Variants in PYGO1 observed in about 807,000 individuals in gnomAD.
The protein encoded by PYGO1 is pygopus homolog 1.
Under a neutral mutation model 29.5 loss-of-function variants are expected in PYGO1, and 6 were observed. The ratio of observed to expected loss-of-function variants is 0.20; its 90% CI spans 0.11 to 0.40. PYGO1 has a LOEUF of 0.40. Ranked by LOEUF, PYGO1 falls within the 10% of genes least tolerant of loss-of-function variation. PYGO1 has a pLI of 1.00. For missense variants in PYGO1, 515 were observed against 514.9 expected (o/e 1.00, Z 0.00); for synonymous variants, 186 against 180.5 (o/e 1.03, Z -0.24).
rs563870172 is a variant in PYGO1 at position 55,581,969 on chromosome 15, GGCTGAGGTGGGCGGATC to G, written c.49+5849_49+5865del. Among the ~76,000 whole-genome samples, 1,413 of 150,816 alleles carry G rather than the reference GGCTGAGGTGGGCGGATC, an allele frequency of 9.4e-3. 7 individuals carry two copies. Among genetic ancestry groups the G allele is most frequent in the Middle Eastern group, 0.037 (11 of 294 alleles). On this transcript the variant is annotated intron_variant, in intron 1 of 2. Coordinates refer to ENST00000563719, the MANE Select transcript of PYGO1 (RefSeq NM_001367806.1). ...TGCCTACAATCCCAGCACTTTGGGA[GGCTGAGGTGGGCGGATC>G]ACCTGAGGTCAGGAGTTTGAGACCA...
At chr15:55,573,103 G>A (rs1014701831) in intron 1 of PYGO1, among the ~76,000 whole-genome samples, 12 of 151,884 alleles carry the variant, frequency 7.9e-5, no homozygotes, top group Non-Finnish European at 1.6e-4. Context: ...TCAGGAGTTC[G>A]AGACCAGCCT....
chr15:55,559,888 T>A (rs897509692), intron 1 of PYGO1, among the ~76,000 whole-genome samples: 3 of 152,138 alleles, frequency 2.0e-5, no homozygotes, highest in Admixed American at 6.6e-5. Flanking sequence ...ATTCAACAGA[T>A]GAAAATCAAT....
intron 1 of PYGO1, among the ~76,000 whole-genome samples, chr15:55,571,519 GT>G (rs1348594980): frequency 6.6e-6 from 1 of 152,096 alleles, no homozygotes; most frequent in South Asian, 2.1e-4. Flanking sequence ...TCCTATGCTG[GT>G]TTTATGATAG....
chr15:55,571,234 T>C (rs1304619230), intron 1 of PYGO1, among the ~76,000 whole-genome samples: 1 of 152,242 alleles, frequency 6.6e-6, no homozygotes, highest in Admixed American at 6.5e-5. Context: ...AGTATACACA[T>C]ACTACATTCT....
chr15:55,563,229 T>G (rs1328848800), intron 1 of PYGO1, among the ~76,000 whole-genome samples: 1 of 152,150 alleles, frequency 6.6e-6, no homozygotes, highest in Non-Finnish European at 1.5e-5. Flanking sequence ...CCAGAATATA[T>G]GAATAATTCT....
chr15:55,576,776 G>T (rs1283662520), intron 1 of PYGO1, among the ~76,000 whole-genome samples: 7 of 24,460 alleles, frequency 2.9e-4, no homozygotes, highest in African/African-American at 7.1e-4. Flanking sequence ...AAAGAAGTGG[G>T]GGAAAAGATT....
intron 1 of PYGO1, among the ~76,000 whole-genome samples, chr15:55,558,173 G>A (rs942739227): frequency 9.9e-5 from 15 of 152,234 alleles, no homozygotes; most frequent in Non-Finnish European, 1.9e-4. Context: ...AAATCAATGT[G>A]CAAAAATCAC....
chr15:55,558,450 C>T (rs1213011312), intron 1 of PYGO1, among the ~76,000 whole-genome samples: 1 of 152,016 alleles, frequency 6.6e-6, no homozygotes, highest in Non-Finnish European at 1.5e-5. Context: ...CAATGCTATC[C>T]CCATCAAGCT....
chr15:55,561,214 C>A (rs1029946991), intron 1 of PYGO1, among the ~76,000 whole-genome samples: 1 of 152,128 alleles, frequency 6.6e-6, no homozygotes, highest in Non-Finnish European at 1.5e-5. Context: ...TTTGATAAAT[C>A]TGACAAAAAT....
In PYGO1 at chr15:55,546,484, T is replaced by C; in HGVS notation, c.799A>G (p.Asn267Asp). 6.2e-7 allele frequency: 1 copy of C among 1,614,204 alleles called. No individual in the cohort carries two copies. Among genetic ancestry groups the C allele is most frequent in the Non-Finnish European group, 8.5e-7 (1 of 1,180,022 alleles). The change falls in exon 3 of 3, where the codon AAT becomes GAT. Residue 267 changes from asparagine to aspartate, a missense_variant. Physicochemically the swap from Asn to Asp is conservative, Grantham distance 23 (BLOSUM62 1). Coordinates refer to ENST00000563719, the MANE Select transcript of PYGO1 (RefSeq NM_001367806.1). The part of the protein sequence containing the change: ...PPHLNMDDTV[N>D]QSNIELKNVN... ...TTTTTTAATTCAATATTACTCTGAT[T>C]CACTGTGTCATCCATATTCAAGTGA...
Position 55,544,731 on chromosome 15 carries a change from T to C in PYGO1, c.*1292A>G, listed in dbSNP as rs896764590. The C allele has an allele frequency of 1.3e-5, 2 of 152,204 alleles. No individual in the cohort carries two copies. Among genetic ancestry groups the C allele is most frequent in the Non-Finnish European group, 2.9e-5 (2 of 68,036 alleles). 9.4% of individuals were successfully genotyped at this position (152,204 alleles called of 1,614,324 possible). A position where few individuals can be genotyped will look rare whatever the true frequency, so the allele number is the denominator to read the frequency against. On this transcript the variant is annotated 3_prime_UTR_variant, in exon 3 of 3. Transcript: ENST00000563719. ...AATGGTGGCAACATATTAGGGAGCTTTACCAGCCTCCAATGATTGTATAAA... is the reference window on the plus strand; with the variant it reads ...AATGGTGGCAACATATTAGGGAGCTCTACCAGCCTCCAATGATTGTATAAA...
At chr15:55,578,983 G>T (rs2059015128) in intron 1 of PYGO1, among the ~76,000 whole-genome samples, 1 of 152,138 alleles carries the variant, frequency 6.6e-6, no homozygotes, top group Non-Finnish European at 1.5e-5. Flanking sequence ...GGCAAAATTA[G>T]AAACTTCTGG....
At chr15:55,557,530 G>A (rs202154725) in intron 1 of PYGO1, among the ~76,000 whole-genome samples, 3 of 152,120 alleles carry the variant, frequency 2.0e-5, no homozygotes, top group African/African-American at 4.8e-5. Context: ...GCCTGGCAGA[G>A]ACACAACAAA....
rs780548312 is a variant in PYGO1 at position 55,561,809 on chromosome 15, C to T, written c.50-12814G>A. Among the ~76,000 whole-genome samples the T allele has an allele frequency of 9.2e-5, 14 of 152,070 alleles. No individual in the cohort carries two copies. The East Asian group carries it at 1.2e-3, about 13-fold the overall frequency. On this transcript the variant is annotated intron_variant, in intron 1 of 2. Transcript: ENST00000563719. ...GATTTAGGCATGGGGAAAGATTTCA[C>T]GGTGAAAACTCCAAAAGCAATTGCA...
intron 1 of PYGO1, among the ~76,000 whole-genome samples, chr15:55,571,534 A>G (rs947450669): frequency 6.6e-6 from 1 of 152,112 alleles, no homozygotes; most frequent in South Asian, 2.1e-4. Flanking sequence ...ATGATAGTGA[A>G]TAAGTCTCAC....
intron 2 of PYGO1, among the ~76,000 whole-genome samples, chr15:55,548,614 G>A (rs1287771009): frequency 1.3e-5 from 2 of 148,666 alleles, no homozygotes; most frequent in East Asian, 2.1e-4. Context: ...GCTGAGGCAG[G>A]AGAATCGCTT....
chr15:55,571,452 C>T (rs1309982587), intron 1 of PYGO1, among the ~76,000 whole-genome samples: 1 of 152,152 alleles, frequency 6.6e-6, no homozygotes, highest in East Asian at 1.9e-4. Flanking sequence ...ATCTTGAATT[C>T]CCATGTGTTG....
intron 1 of PYGO1, among the ~76,000 whole-genome samples, chr15:55,573,610 T>A (rs745898975): frequency 6.6e-6 from 1 of 152,184 alleles, no homozygotes; most frequent in South Asian, 2.1e-4. Context: ...AATGGGTGCA[T>A]ATAGTTGATC....
At chr15:55,585,020 T>C (rs2059040726) in intron 1 of PYGO1, among the ~76,000 whole-genome samples, 1 of 152,196 alleles carries the variant, frequency 6.6e-6, no homozygotes, top group East Asian at 1.9e-4. Context: ...GATCCACGAA[T>C]CTATATTTTA....
Sources: allele counts gnomAD v4.1 joint callset (sites outside exome capture counted in the v4.1 genomes callset), GRCh38; gene constraint gnomAD v4.1.1; transcripts MANE v1.5; gene names NCBI Gene and HGNC (gene_info 2026-07-23, HGNC 2026-07-21).